SATB2: variants seen among roughly 807,000 people sequenced by gnomAD.
SATB2 encodes the protein SATB homeobox 2.
In SATB2, 1 loss-of-function variant was observed where a neutral mutation model predicts 73.4. The ratio of observed to expected loss-of-function variants is 0.01; its 90% confidence interval spans 0.00 to 0.06. The LOEUF (loss-of-function observed/expected upper bound fraction) is 0.06, where lower values mean the gene tolerates loss of function less well. Among genes scored for constraint, SATB2 ranks in the 10% least tolerant of loss-of-function variants. The probability of loss-of-function intolerance (pLI) is 1.00; values close to 1 mark genes in which losing one functional copy is unlikely to be tolerated. For missense variants in SATB2, 459 were observed against 945.8 expected (o/e 0.49, Z 6.75); for synonymous variants, 397 against 367.0 (o/e 1.08, Z -0.93).
At chr2:199,469,411 C>G (rs1029435861), upstream of SATB2, among the ~76,000 whole-genome samples, 4 of 152,184 alleles carry the variant, frequency 2.6e-5, no homozygotes, top group African/African-American at 9.7e-5. Flanking sequence ...CTCCGCCCCC[C>G]GGCGGTTCCT....
At chr2:199,384,009 A>T (rs915907100) in intron 3 of SATB2, among the ~76,000 whole-genome samples, 1 of 152,216 alleles carries the variant, frequency 6.6e-6, no homozygotes, top group East Asian at 1.9e-4. Flanking sequence ...CTGATCACTT[A>T]ATATGCATAC....
chr2:199,296,793 A>T (rs985871649), intron 10 of SATB2, among the ~76,000 whole-genome samples: 2 of 152,110 alleles, frequency 1.3e-5, no homozygotes, highest in African/African-American at 4.8e-5. Context: ...CTAGGACTAG[A>T]CTCTATGTCA....
At chr2:199,275,288 A>G (rs1426743157) in intron 10 of SATB2, among the ~76,000 whole-genome samples, 1 of 152,202 alleles carries the variant, frequency 6.6e-6, no homozygotes, top group African/African-American at 2.4e-5. Flanking sequence ...CCAACCAACT[A>G]GCCTGCTTCA....
chr2:199,416,818 T>C (rs1691001354), intron 3 of SATB2, among the ~76,000 whole-genome samples: 1 of 152,004 alleles, frequency 6.6e-6, no homozygotes, highest in African/African-American at 2.4e-5. Context: ...AGGCGGATCA[T>C]GAGGTCAGGA....
At chr2:199,417,036 T>TCACA (rs55763647) in intron 3 of SATB2, among the ~76,000 whole-genome samples, 7,652 of 144,166 alleles carry the variant, frequency 0.053, 208 homozygotes, top group East Asian at 0.11. Context: ...ACTCCGTCTC[T>TCACA]CACACACACA....
chr2:199,343,120 ACACAC>A, intron 7 of SATB2, among the ~76,000 whole-genome samples: 1 of 81,434 alleles, frequency 1.2e-5, no homozygotes, highest in East Asian at 4.2e-4. Flanking sequence ...TTATACACAC[ACACAC>A]ACACACACAC....
chr2:199,403,621 C>A (rs1468625361), intron 3 of SATB2, among the ~76,000 whole-genome samples: 3 of 152,086 alleles, frequency 2.0e-5, no homozygotes, highest in Non-Finnish European at 2.9e-5. Context: ...AGCAAAGCAA[C>A]CTACATGCAA....
intron 3 of SATB2, among the ~76,000 whole-genome samples, chr2:199,383,991 T>G (rs1358147458): frequency 6.6e-6 from 1 of 152,204 alleles, no homozygotes; most frequent in Non-Finnish European, 1.5e-5. Flanking sequence ...TTGTCAAAAT[T>G]TATCAAACTG....
intron 6 of SATB2, among the ~76,000 whole-genome samples, chr2:199,357,619 T>G (rs565168762): frequency 6.6e-6 from 1 of 152,320 alleles, no homozygotes; most frequent in East Asian, 1.9e-4. Flanking sequence ...ATAGCTCCTT[T>G]AAATTCCTAT....
At chr2:199,377,278 C>T (rs1209713728) in intron 5 of SATB2, among the ~76,000 whole-genome samples, 2 of 152,128 alleles carry the variant, frequency 1.3e-5, no homozygotes, top group African/African-American at 4.8e-5. Context: ...ACTCAGAAGG[C>T]TGACGCGGGA....
intron 10 of SATB2, among the ~76,000 whole-genome samples, chr2:199,292,906 T>C (rs1428742030): frequency 6.6e-6 from 1 of 152,210 alleles, no homozygotes; most frequent in African/African-American, 2.4e-5. Context: ...TTTTGAAGCC[T>C]GCAAGTATTT....
intron 10 of SATB2, among the ~76,000 whole-genome samples, chr2:199,279,747 A>G (rs1383306083): frequency 6.6e-6 from 1 of 152,214 alleles, no homozygotes; most frequent in Admixed American, 6.5e-5. Context: ...TAATATTAGA[A>G]TTATTTTGAC....
At chr2:199,314,425 T>C (rs1687675218) in intron 9 of SATB2, among the ~76,000 whole-genome samples, 1 of 151,428 alleles carries the variant, frequency 6.6e-6, no homozygotes, top group Non-Finnish European at 1.5e-5. Flanking sequence ...CTCTAATGCA[T>C]GAATACGATA....
intron 3 of SATB2, among the ~76,000 whole-genome samples, chr2:199,390,786 G>C (rs987999007): frequency 6.6e-6 from 1 of 152,028 alleles, no homozygotes; most frequent in Non-Finnish European, 1.5e-5. Flanking sequence ...TGGCTTTCCA[G>C]GTACTCCATG....
intron 3 of SATB2, chr2:199,395,877 T>C (rs940977847): frequency 6.6e-6 from 1 of 152,188 alleles, no homozygotes; most frequent in African/African-American, 2.4e-5. Context: ...AACCACTTAA[T>C]GGGAAGCAAA....
chr2:199,334,379 T>C (rs1409967373), intron 7 of SATB2, among the ~76,000 whole-genome samples: 3 of 152,144 alleles, frequency 2.0e-5, no homozygotes, highest in Non-Finnish European at 4.4e-5. Flanking sequence ...TGTATTTTAG[T>C]TCATAATTAC....
intron 2 of SATB2, among the ~76,000 whole-genome samples, chr2:199,442,741 A>C (rs572109851): frequency 6.6e-6 from 1 of 152,268 alleles, no homozygotes; most frequent in South Asian, 2.1e-4. Context: ...AGCCAGATCC[A>C]TCTCTAAAAT....
chr2:199,386,714 GCGCACA>G lies in SATB2; in HGVS notation c.347-4900_347-4895del, dbSNP rs1213264037. ...TGCGCAAGCGCGCGCGCGCGCGCGC[GCGCACA>G]CACACACACACACACACACACACAC... On this transcript the variant is annotated intron_variant, in intron 3 of 10. Coordinates refer to ENST00000417098, the MANE Select transcript of SATB2 (RefSeq NM_001172509.2). Among the ~76,000 whole-genome samples the G allele has an allele frequency of 3.7e-3, 84 of 22,552 alleles. 1 individual carries two copies. Among genetic ancestry groups the G allele is most frequent in the African/African-American group, 0.015 (80 of 5,272 alleles). The allele number at this position is 22,552 out of a possible 152,430, so 14.8% of individuals were successfully genotyped here.
chr2:199,277,273 T>C (rs1383114978), intron 10 of SATB2, among the ~76,000 whole-genome samples: 1 of 152,206 alleles, frequency 6.6e-6, no homozygotes, highest in Non-Finnish European at 1.5e-5. Flanking sequence ...GATGTGTGTA[T>C]GTCTAAAAGA....
Sources: allele counts gnomAD v4.1 joint callset (sites outside exome capture counted in the v4.1 genomes callset), GRCh38; gene constraint gnomAD v4.1.1; transcripts MANE v1.5; gene names NCBI Gene and HGNC (gene_info 2026-07-23, HGNC 2026-07-21).